HTT: variants seen among roughly 807,000 people sequenced by gnomAD.
The protein encoded by HTT is huntingtin.
Under a neutral mutation model 362.3 loss-of-function variants are expected in HTT, and 104 were observed. The ratio of observed to expected loss-of-function variants is 0.29; its 90% CI spans 0.24 to 0.34. HTT has a LOEUF of 0.34. Ranked by LOEUF, HTT falls within the 10% of genes least tolerant of loss-of-function variation. HTT has a pLI of 1.00. For synonymous variants in HTT, 1,577 were observed against 1,548.7 expected, an observed-to-expected ratio of 1.02 and a Z score of -0.43; for missense variants, 3,301 against 3,928.6, an observed-to-expected ratio of 0.84 and a Z score of 4.27.
chr4:3,233,586 A>T (rs1423989394), intron 61 of HTT, among the ~76,000 whole-genome samples: 1 of 152,094 alleles, frequency 6.6e-6, no homozygotes, highest in Non-Finnish European at 1.5e-5. Flanking sequence ...CTGCTGTCTC[A>T]TGTGGCGCTT....
At chr4:3,148,818 A>G (rs1313919546) in intron 26 of HTT, among the ~76,000 whole-genome samples, 1 of 150,916 alleles carries the variant, frequency 6.6e-6, no homozygotes, top group Non-Finnish European at 1.5e-5. Context: ...TTAGATGGGC[A>G]TGGTGGTGCG....
chr4:3,169,026 T>C lies in HTT; in HGVS notation c.3865-3294T>C, dbSNP rs554409546. Reference sequence around the variant, plus strand: ...CCATTCTTTCTTTCTTTCTTTCTTTTTTTTTTTTTTGAGACAGTGTCTCGC... The same window carrying C: ...CCATTCTTTCTTTCTTTCTTTCTTTCTTTTTTTTTTGAGACAGTGTCTCGC... On this transcript the variant is annotated intron_variant, in intron 29 of 66. Coordinates refer to ENST00000355072, the MANE Select transcript of HTT (RefSeq NM_001388492.1). Among the ~76,000 whole-genome samples, 166 of 115,804 alleles carry C rather than the reference T, an allele frequency of 1.4e-3. 1 individual carries two copies. The highest frequency in any genetic ancestry group is 2.6e-3 in the African/African-American group (53 of 20,038). 76.0% of individuals were successfully genotyped at this position (115,804 alleles called of 152,430 possible).
chr4:3,150,502 A>G (rs1457047998), intron 26 of HTT, among the ~76,000 whole-genome samples: 2 of 152,116 alleles, frequency 1.3e-5, no homozygotes, highest in Non-Finnish European at 2.9e-5. Context: ...TGGATATGTC[A>G]GACACGGTGT....
rs200014691 is a variant in HTT, at chr4:3,198,215, A to ATTTTTTT, written c.5369-1495_5369-1489dup. Among the ~76,000 whole-genome samples the ATTTTTTT allele has an allele frequency of 2.0e-4, 12 of 60,378 alleles. 1 individual carries two copies. The highest frequency in any genetic ancestry group is 3.4e-4 in the Non-Finnish European group (11 of 32,476). 39.6% of individuals were successfully genotyped at this position (60,378 alleles called of 152,430 possible). ...ACCCTTTCACTTTGGGGATGTGTTG[A>ATTTTTTT]TTTTTTTTTTTTTTTTTTTTTTTTT... On this transcript the variant is annotated intron_variant, in intron 40 of 66. Transcript: ENST00000355072.
intron 13 of HTT, 96 bp downstream of exon 13, chr4:3,130,143 C>T (rs1463998150): frequency 1.8e-5 from 24 of 1,329,724 alleles, no homozygotes; most frequent in Non-Finnish European, 2.5e-5. Flanking sequence ...TCCTTTGATA[C>T]TGTTTTCTGA....
intron 19 of HTT, among the ~76,000 whole-genome samples, chr4:3,135,513 T>C (rs554881297): frequency 5.3e-5 from 8 of 152,146 alleles, no homozygotes; most frequent in African/African-American, 1.7e-4. Flanking sequence ...CCTTAGAATG[T>C]TTATAAATCT....
In HTT at chr4:3,146,953, T is replaced by G; in HGVS notation, c.3295+5T>G. 1.9e-6 allele frequency: 3 copies of G among 1,614,108 alleles called. No homozygotes were observed. In the African/African-American group the frequency reaches 4.0e-5, roughly 22 times the overall value. On this transcript the variant is annotated splice_donor_5th_base_variant and intron_variant, in intron 25 of 66. Transcript: ENST00000355072. Reference sequence around the variant, plus strand: ...TGGCCGGAAACTTGCTTGCAGGTACTGGTACTGAGTTGAAACAGGGACTCC... The same window carrying G: ...TGGCCGGAAACTTGCTTGCAGGTACGGGTACTGAGTTGAAACAGGGACTCC...
rs1420856247 is a variant in HTT, at chr4:3,121,324, C to A, written c.1165C>A (p.Pro389Thr). The A allele has an allele frequency of 6.2e-7, 1 of 1,614,142 alleles. No homozygotes were observed. The highest frequency in any genetic ancestry group is 2.2e-5 in the East Asian group (1 of 44,876). The change falls in exon 9 of 67, where the codon CCC becomes ACC. Residue 389 changes from proline (P) to threonine (T), a missense_variant. Pro to Thr is a conservative substitution (Grantham distance 38). Around this residue, in one of 4 missense-constraint regions of HTT, gnomAD observed 2,316 missense variants for 2,658.5 expected, o/e 0.87. Coordinates refer to ENST00000355072, the MANE Select transcript of HTT (RefSeq NM_001388492.1). ...GCAGCAGCTCTTCAGAACGCCTCCACCCGAGCTTCTGCAAACCCTGACCGC... is the reference window on the plus strand; with the variant it reads ...GCAGCAGCTCTTCAGAACGCCTCCAACCGAGCTTCTGCAAACCCTGACCGC... The part of the protein sequence containing the change: ...LLQQLFRTPP[P>T]ELLQTLTAVG...
Position 3,130,305 on chromosome 4 carries a change from C to A in HTT, c.1868C>A (p.Ala623Asp). 4 of 1,535,756 alleles carry A rather than the reference C, an allele frequency of 2.6e-6. No homozygotes were observed. The highest frequency in any genetic ancestry group is 3.6e-6 in the Non-Finnish European group (4 of 1,124,790). ...AATCTTGATTTCTCTGTTTTTAAAG[C>A]CCTTCAACAGGCACATTTATTGAAA... is the stretch of plus-strand genomic sequence containing the variant. ...ASEAFRNSSM[A>D]LQQAHLLKNM... is the part of the protein sequence containing the mutation. The change falls in exon 14 of 67, where the codon GCC becomes GAC. Residue 623 changes from alanine (A) to aspartate (D), a missense_variant and splice_region_variant. Around this residue, in one of 4 missense-constraint regions of HTT, gnomAD observed 2,316 missense variants for 2,658.5 expected, o/e 0.87. Transcript: ENST00000355072.
intron 51 of HTT, 99 bp from the exon 52 acceptor site, chr4:3,217,666 C>G (rs1271398143): frequency 9.8e-7 from 1 of 1,021,586 alleles, no homozygotes; most frequent in Admixed American, 2.2e-5. Flanking sequence ...GTGGATTCCA[C>G]AGTTACAGCT....
At chr4:3,207,418 A>T in intron 45 of HTT, 61 bp downstream of exon 45, 1 of 1,335,852 alleles carries the variant, frequency 7.5e-7, no homozygotes, top group Non-Finnish European at 1.1e-6. Flanking sequence ...AAGGATATAG[A>T]TTTGTACGGG....
chr4:3,095,343 G>A (rs1376698231), intron 2 of HTT, among the ~76,000 whole-genome samples: 1 of 152,220 alleles, frequency 6.6e-6, no homozygotes, highest in Non-Finnish European at 1.5e-5. Flanking sequence ...CGGCCAACAC[G>A]GCGAAACCCC....
At chr4:3,130,464 T>C (rs1279378274) in intron 14 of HTT, 41 bp downstream of exon 14, 1 of 1,124,558 alleles carries the variant, frequency 8.9e-7, no homozygotes, top group Non-Finnish European at 1.3e-6. Context: ...GTTTCTGAGC[T>C]TGTGTGAGGA....
At chr4:3,111,625 G>A (rs1162504792) in intron 6 of HTT, among the ~76,000 whole-genome samples, 1 of 152,158 alleles carries the variant, frequency 6.6e-6, no homozygotes, top group Non-Finnish European at 1.5e-5. Flanking sequence ...GGAAGGGAGG[G>A]GACTGACAGT....
chr4:3,165,686 C>CT (rs1164278989), intron 29 of HTT, among the ~76,000 whole-genome samples: 4 of 151,908 alleles, frequency 2.6e-5, no homozygotes, highest in Admixed American at 6.6e-5. Flanking sequence ...GATATCCTTT[C>CT]TTCTGCTTGA....
At chr4:3,181,938 G>C (rs945048596) in intron 36 of HTT, among the ~76,000 whole-genome samples, 3 of 152,226 alleles carry the variant, frequency 2.0e-5, no homozygotes, top group African/African-American at 7.2e-5. Context: ...CCTCTGCAGA[G>C]AACACAGAAT....
intron 26 of HTT, among the ~76,000 whole-genome samples, chr4:3,148,621 C>A (rs1185125121): frequency 1.3e-5 from 2 of 152,200 alleles, no homozygotes; most frequent in Non-Finnish European, 2.9e-5. Flanking sequence ...CACAGTGAAA[C>A]CCCGTCTCTA....
rs768454643 is a variant in HTT at position 3,132,817 on chromosome 4, A to G, written c.2399A>G (p.Asn800Ser). 10 of 1,613,896 alleles carry G rather than the reference A, an allele frequency of 6.2e-6. 1 individual carries two copies. The South Asian group carries it at 7.7e-5, about 12-fold the overall frequency. Residue 800 changes from asparagine (N) to serine (S), a missense_variant, in exon 18 of 67, where the codon AAT (asparagine) becomes AGT (serine). Asn to Ser is a conservative substitution (Grantham distance 46, BLOSUM62 1). Transcript: ENST00000355072. ...WMGTIRTLTG[N>S]TFSLADCIPL... ...TGTTGCTTGTTCTTCTGGTTAGGAA[A>G]TACATTTTCTTTGGCGGATTGCATT...
intron 56 of HTT, among the ~76,000 whole-genome samples, chr4:3,224,784 C>T (rs1028279270): frequency 2.6e-5 from 4 of 152,308 alleles, no homozygotes; most frequent in Non-Finnish European, 4.4e-5. Context: ...TCTATGTGGA[C>T]GTGCAATGTG....
Sources: allele counts gnomAD v4.1 joint callset (sites outside exome capture counted in the v4.1 genomes callset), GRCh38; gene constraint gnomAD v4.1.1; regional missense constraint gnomAD v4.1.1; transcripts MANE v1.5; gene names NCBI Gene and HGNC (gene_info 2026-07-23, HGNC 2026-07-21).